The following CDH12 variants were observed in gnomAD, a reference collection of about 807,000 sequenced individuals.
CDH12 encodes cadherin-12.
Under a neutral mutation model 74.1 loss-of-function variants are expected in CDH12, and 41 were observed. The observed-to-expected ratio is 0.55, with a 90% CI of 0.43 to 0.72. The LOEUF is 0.72. Ranked by LOEUF, CDH12 falls within the 30% of genes least tolerant of loss-of-function variation. The probability of loss-of-function intolerance (pLI) is 0.00; values close to 1 mark genes in which losing one functional copy is unlikely to be tolerated. For synonymous variants in CDH12, 399 were observed against 355.0 expected (o/e 1.12, Z -1.39); for missense variants, 945 against 977.2 (o/e 0.97, Z 0.44).
At chr5:22,031,417 A>G (rs1738817346) in intron 5 of CDH12, among the ~76,000 whole-genome samples, 1 of 152,162 alleles carries the variant, frequency 6.6e-6, no homozygotes. Context: ...AACTTTTGCC[A>G]TATCAGCAAT....
intron 4 of CDH12, among the ~76,000 whole-genome samples, chr5:22,164,100 T>A (rs1748522601): frequency 6.6e-6 from 1 of 152,208 alleles, no homozygotes; most frequent in African/African-American, 2.4e-5. Context: ...ACTCTCATCC[T>A]AGTGTTACCA....
intron 1 of CDH12, among the ~76,000 whole-genome samples, chr5:22,548,546 G>A (rs1045958621): frequency 7.2e-5 from 11 of 151,908 alleles, no homozygotes; most frequent in Non-Finnish European, 1.5e-5. Flanking sequence ...CCAAAAAGAG[G>A]TTGGTGAACT....
intron 1 of CDH12, among the ~76,000 whole-genome samples, chr5:22,522,193 T>C (rs1737083893): frequency 6.6e-6 from 1 of 152,220 alleles, no homozygotes; most frequent in South Asian, 2.1e-4. Context: ...TAAACTATAG[T>C]TAGTATGGTA....
chr5:22,550,323 G>A (rs1738512608), intron 1 of CDH12, among the ~76,000 whole-genome samples: 1 of 152,020 alleles, frequency 6.6e-6, no homozygotes. Flanking sequence ...ACTCCTGACT[G>A]CATTTCCCAT....
intron 1 of CDH12, among the ~76,000 whole-genome samples, chr5:22,849,845 G>A (rs571007261): frequency 4.6e-5 from 7 of 151,994 alleles, no homozygotes; most frequent in African/African-American, 1.4e-4. Context: ...CATGGAGCAA[G>A]GGTTATGAAA....
chr5:22,062,002 G>A (rs1022056284), intron 5 of CDH12, among the ~76,000 whole-genome samples: 1 of 152,098 alleles, frequency 6.6e-6, no homozygotes, highest in Non-Finnish European at 1.5e-5. Context: ...GAAAAGGAAG[G>A]ATTGAAAGAT....
chr5:22,167,311 C>T (rs1580350246), intron 4 of CDH12, among the ~76,000 whole-genome samples: 2 of 152,258 alleles, frequency 1.3e-5, no homozygotes, highest in South Asian at 2.1e-4. Flanking sequence ...AAATCATTCA[C>T]GAAGAGCCAA....
intron 6 of CDH12, among the ~76,000 whole-genome samples, chr5:21,931,627 GA>G (rs1754843293): frequency 6.6e-6 from 1 of 152,160 alleles, no homozygotes; most frequent in African/African-American, 2.4e-5. Flanking sequence ...ATATTATAGT[GA>G]GCACAGTCTG....
rs1186596464 is a variant in CDH12 at position 21,751,144 on chromosome 5, AG to A, written c.*592del. The stretch of plus-strand genomic sequence containing the variant: ...TTAGCATACAGTTTAAAAAAGAAAA[AG>A]AAAACCTTTTGAATTAGAAGAAGGT... On this transcript the variant is annotated 3_prime_UTR_variant, in exon 15 of 15. Transcript: ENST00000382254. 6.5e-6 allele frequency: 1 copy of A among 152,784 alleles called. No individual in the cohort carries two copies. Among genetic ancestry groups the A allele is most frequent in the East Asian group, 1.9e-4 (1 of 5,204 alleles). 9.5% of individuals were successfully genotyped at this position (152,784 alleles called of 1,614,324 possible). A position where few individuals can be genotyped will look rare whatever the true frequency, so the allele number is the denominator to read the frequency against.
At chr5:22,759,851 G>A (rs1746115884) in intron 1 of CDH12, among the ~76,000 whole-genome samples, 1 of 152,164 alleles carries the variant, frequency 6.6e-6, no homozygotes, top group South Asian at 2.1e-4. Context: ...AGGTGGGCAA[G>A]CTGGGAACTC....
intron 4 of CDH12, among the ~76,000 whole-genome samples, chr5:22,180,767 C>G (rs1204120090): frequency 2.0e-5 from 3 of 151,984 alleles, no homozygotes; most frequent in Middle Eastern, 3.2e-3. Flanking sequence ...TCCCAAAGTG[C>G]TGGGATTATG....
At chr5:21,889,393 T>C (rs1752794077) in intron 6 of CDH12, among the ~76,000 whole-genome samples, 1 of 152,152 alleles carries the variant, frequency 6.6e-6, no homozygotes, top group Admixed American at 6.6e-5. Context: ...CCCCCTAGTC[T>C]GTGAACACAT....
intron 3 of CDH12, among the ~76,000 whole-genome samples, chr5:22,373,676 T>C (rs1049655980): frequency 6.6e-6 from 1 of 152,144 alleles, no homozygotes; most frequent in Non-Finnish European, 1.5e-5. Flanking sequence ...CAGATACAAC[T>C]GATGCTGTTT....
At chr5:22,387,176 T>G (rs1405858900) in intron 3 of CDH12, among the ~76,000 whole-genome samples, 1 of 152,000 alleles carries the variant, frequency 6.6e-6, no homozygotes, top group Non-Finnish European at 1.5e-5. Flanking sequence ...ATAAACTCTT[T>G]GAACTTCTAA....
chr5:22,094,437 T>G (rs1187747922), intron 4 of CDH12, among the ~76,000 whole-genome samples: 1 of 152,126 alleles, frequency 6.6e-6, no homozygotes, highest in African/African-American at 2.4e-5. Flanking sequence ...GGACTAAATC[T>G]AGGATGAAAA....
chr5:21,758,366 T>C (rs1461032679), intron 13 of CDH12, among the ~76,000 whole-genome samples: 5 of 152,138 alleles, frequency 3.3e-5, no homozygotes, highest in Non-Finnish European at 1.5e-5. Flanking sequence ...AGACTCTGAT[T>C]TTGTGGAGAC....
rs544571759 is a variant in CDH12 at position 22,679,681 on chromosome 5, G to T, written c.-523+173377C>A. ...ATTTAATTGATGATGATAACAACTA[G>T]AAATCATGGAGGTTTATTATGAATC... On this transcript the variant is annotated intron_variant, in intron 1 of 14. Coordinates refer to ENST00000382254, the MANE Select transcript of CDH12 (RefSeq NM_004061.5). Among the ~76,000 whole-genome samples, 15 of 152,140 alleles carry T rather than the reference G, an allele frequency of 9.9e-5. 1 individual carries two copies. In the South Asian group the frequency reaches 3.1e-3, roughly 31 times the overall value.
chr5:22,594,691 GC>G (rs1736514365), intron 1 of CDH12, among the ~76,000 whole-genome samples: 1 of 152,126 alleles, frequency 6.6e-6, no homozygotes, highest in African/African-American at 2.4e-5. Context: ...ACTTATGGAT[GC>G]CAATTTGGGT....
intron 3 of CDH12, among the ~76,000 whole-genome samples, chr5:22,231,324 A>G (rs1752375759): frequency 6.6e-6 from 1 of 152,114 alleles, no homozygotes; most frequent in African/African-American, 2.4e-5. Context: ...GTGAGATATT[A>G]TTAAGCACAG....
Sources: allele counts gnomAD v4.1 joint callset (sites outside exome capture counted in the v4.1 genomes callset), GRCh38; gene constraint gnomAD v4.1.1; transcripts MANE v1.5; gene names NCBI Gene and HGNC (gene_info 2026-07-23, HGNC 2026-07-21).